Variants in PLCB1 observed in about 807,000 individuals in gnomAD.
The protein encoded by PLCB1 is phospholipase C beta 1, also known as 1-phosphatidylinositol 4,5-bisphosphate phosphodiesterase beta-1.
A neutral mutation model predicts 161.8 loss-of-function variants in PLCB1; 46 were observed. The observed-to-expected ratio is 0.28, with a 90% CI of 0.22 to 0.36. The LOEUF (loss-of-function observed/expected upper bound fraction) is 0.36, where lower values mean the gene tolerates loss of function less well. Ranked by LOEUF, PLCB1 falls within the 10% of genes least tolerant of loss-of-function variation. The pLI is 1.00. For synonymous variants in PLCB1, 517 were observed against 503.7 expected (o/e 1.03, Z -0.35); for missense variants, 1,016 against 1,472.5 (o/e 0.69, Z 5.07).
intron 2 of PLCB1, among the ~76,000 whole-genome samples, chr20:8,262,671 A>G (rs1981763599): frequency 6.6e-6 from 1 of 152,312 alleles, no homozygotes; most frequent in African/African-American, 2.4e-5. Flanking sequence ...ACAGGCTGCT[A>G]TAACAAAATA....
chr20:8,805,383 A>G (rs563374857), intron 31 of PLCB1, among the ~76,000 whole-genome samples: 32 of 152,340 alleles, frequency 2.1e-4, no homozygotes, highest in African/African-American at 3.6e-4. Context: ...AAAAACACCA[A>G]TGAAACATTA....
intron 3 of PLCB1, among the ~76,000 whole-genome samples, chr20:8,603,784 A>G (rs993315923): frequency 6.6e-6 from 1 of 152,204 alleles, no homozygotes; most frequent in African/African-American, 2.4e-5. Flanking sequence ...CTTAACATTA[A>G]CAGCTTTCAA....
At chr20:8,681,953 G>T (rs1990231191) in intron 9 of PLCB1, among the ~76,000 whole-genome samples, 1 of 152,054 alleles carries the variant, frequency 6.6e-6, no homozygotes, top group African/African-American at 2.4e-5. Flanking sequence ...AGACACCAGG[G>T]ACGACAAAGA....
intron 2 of PLCB1, among the ~76,000 whole-genome samples, chr20:8,183,465 A>G (rs1367052163): frequency 6.6e-6 from 1 of 152,186 alleles, no homozygotes; most frequent in Non-Finnish European, 1.5e-5. Flanking sequence ...TCTTTCAGCT[A>G]CTACATAAAA....
chr20:8,304,697 T>C (rs1441449220), intron 2 of PLCB1, among the ~76,000 whole-genome samples: 1 of 151,952 alleles, frequency 6.6e-6, no homozygotes, highest in Non-Finnish European at 1.5e-5. Flanking sequence ...ACTATTGTAA[T>C]AATAAATAGC....
At chr20:8,375,737 G>C (rs1194020947) in intron 3 of PLCB1, among the ~76,000 whole-genome samples, 1 of 152,066 alleles carries the variant, frequency 6.6e-6, no homozygotes, top group Admixed American at 6.6e-5. Context: ...TGTGCTGTCT[G>C]CTGGCATCTC....
At chr20:8,672,883 G>A (rs1186177942) in intron 9 of PLCB1, among the ~76,000 whole-genome samples, 1 of 151,976 alleles carries the variant, frequency 6.6e-6, no homozygotes, top group African/African-American at 2.4e-5. Context: ...AGGTTGAGGT[G>A]GGTGGATAAC....
chr20:8,832,357 C>G (rs1343893538), intron 31 of PLCB1, among the ~76,000 whole-genome samples: 1 of 152,162 alleles, frequency 6.6e-6, no homozygotes, highest in Non-Finnish European at 1.5e-5. Context: ...GTCCTGAAAA[C>G]TGCCCATTAT....
chr20:8,605,657 A>G (rs753002469), intron 3 of PLCB1, among the ~76,000 whole-genome samples: 1 of 150,740 alleles, frequency 6.6e-6, no homozygotes, highest in Non-Finnish European at 1.5e-5. Context: ...TCTTTTTTAA[A>G]AAATAGATTC....
At chr20:8,795,741 G>C (rs1983988526) in intron 31 of PLCB1, among the ~76,000 whole-genome samples, 2 of 152,062 alleles carry the variant, frequency 1.3e-5, no homozygotes, top group African/African-American at 4.8e-5. Context: ...CAGGTGTGGT[G>C]GTGGGCGCTG....
chr20:8,774,700 A>G lies in PLCB1; in HGVS notation c.3092A>G (p.Lys1031Arg). ...CAGTATTATAGTGAAAAATACCAGA[A>G]GCGAGAACATATTAAACTGGTGAGC... is the stretch of plus-strand genomic sequence containing the variant. ...QEQYYSEKYQ[K>R]REHIKLLIQK... Residue 1031 changes from lysine (K) to arginine (R), a missense_variant, in exon 27 of 32, where the codon AAG (lysine) becomes AGG (arginine). Lys to Arg is a conservative substitution (Grantham distance 26). Coordinates refer to ENST00000338037, the MANE Select transcript of PLCB1 (RefSeq NM_015192.4). 6.2e-7 allele frequency: 1 copy of G among 1,603,684 alleles called. No homozygotes were observed. Among genetic ancestry groups the G allele is most frequent in the Non-Finnish European group, 8.5e-7 (1 of 1,171,910 alleles).
intron 2 of PLCB1, among the ~76,000 whole-genome samples, chr20:8,220,256 G>A (rs777343662): frequency 6.6e-6 from 1 of 152,050 alleles, no homozygotes. Context: ...AAAAACATTT[G>A]AAATCCACAA....
intron 3 of PLCB1, among the ~76,000 whole-genome samples, chr20:8,497,859 A>G (rs1223438846): frequency 6.6e-6 from 1 of 152,232 alleles, no homozygotes; most frequent in Non-Finnish European, 1.5e-5. Context: ...TTAACTATAG[A>G]AATTTAGCCT....
rs1267698962 is a variant in PLCB1, at chr20:8,765,291, A to G, written c.2863A>G (p.Ile955Val). ...IKEHTTKYNEIQNDYLRRRAA... is the reference protein window; with the variant it reads ...IKEHTTKYNEVQNDYLRRRAA... ...AGAACACACTACCAAGTATAATGAA[A>G]TTCAGAATGACTACTTGAGAAGGAG... The change falls in exon 26 of 32, where the codon ATT becomes GTT. Residue 955 changes from isoleucine to valine, a missense_variant. This residue lies in a region of PLCB1 where 398 missense variants were observed against 445.4 expected (regional missense o/e 0.89). Coordinates refer to ENST00000338037, the MANE Select transcript of PLCB1 (RefSeq NM_015192.4). 6.2e-7 allele frequency: 1 copy of G among 1,614,190 alleles called. No individual in the cohort carries two copies. The highest frequency in any genetic ancestry group is 1.1e-5 in the South Asian group (1 of 91,070).
At chr20:8,724,913 A>G (rs1380424190) in intron 16 of PLCB1, among the ~76,000 whole-genome samples, 161 bp downstream of exon 16, 1 of 152,144 alleles carries the variant, frequency 6.6e-6, no homozygotes, top group African/African-American at 2.4e-5. Flanking sequence ...TTACACATAT[A>G]ATAAATATGC....
At chr20:8,666,849 G>A (rs981287670) in intron 9 of PLCB1, among the ~76,000 whole-genome samples, 1 of 151,958 alleles carries the variant, frequency 6.6e-6, no homozygotes, top group African/African-American at 2.4e-5. Flanking sequence ...CTGTCTTGGT[G>A]GAATAGAGGG....
At chr20:8,466,469 G>C (rs1414235108) in intron 3 of PLCB1, among the ~76,000 whole-genome samples, 4 of 151,688 alleles carry the variant, frequency 2.6e-5, no homozygotes, top group South Asian at 4.1e-4. Context: ...AACTTAAAGT[G>C]TAATAATAAT....
intron 12 of PLCB1, among the ~76,000 whole-genome samples, chr20:8,710,418 G>A (rs115870518): frequency 0.013 from 1,878 of 149,674 alleles, 33 homozygotes; most frequent in African/African-American, 0.036. Flanking sequence ...TTTGACATGA[G>A]ATTTGGGCAG....
At chr20:8,228,470 G>T (rs1415552899) in intron 2 of PLCB1, among the ~76,000 whole-genome samples, 2 of 151,854 alleles carry the variant, frequency 1.3e-5, no homozygotes, top group African/African-American at 4.8e-5. Context: ...CCCCACCCCC[G>T]CATTTGTCCT....
Sources: allele counts gnomAD v4.1 joint callset (sites outside exome capture counted in the v4.1 genomes callset), GRCh38; gene constraint gnomAD v4.1.1; regional missense constraint gnomAD v4.1.1; transcripts MANE v1.5; gene names NCBI Gene and HGNC (gene_info 2026-07-23, HGNC 2026-07-21).